Variants in USP34 observed in about 807,000 individuals in gnomAD.
USP34 encodes the protein ubiquitin carboxyl-terminal hydrolase 34.
A neutral mutation model predicts 460.3 loss-of-function variants in USP34; 70 were observed. The ratio of observed to expected loss-of-function variants is 0.15; its 90% CI spans 0.13 to 0.19. The LOEUF (loss-of-function observed/expected upper bound fraction) is 0.19, where lower values mean the gene tolerates loss of function less well. Ranked by LOEUF, USP34 falls within the 10% of genes least tolerant of loss-of-function variation. The pLI, the probability that USP34 is intolerant of heterozygous loss-of-function variation, is 1.00. For missense variants in USP34, 3,985 were observed against 4,236.2 expected (o/e 0.94, Z 1.65); for synonymous variants, 1,647 against 1,405.3 (o/e 1.17, Z -3.85).
chr2:61,354,257 G>A (rs1182127928), intron 10 of USP34, among the ~76,000 whole-genome samples: 2 of 152,074 alleles, frequency 1.3e-5, no homozygotes, highest in South Asian at 2.1e-4. Context: ...AAAACCACAA[G>A]TAACTTGTCA....
At chr2:61,321,351 G>C (rs766968299) in intron 21 of USP34, among the ~76,000 whole-genome samples, 1 of 151,436 alleles carries the variant, frequency 6.6e-6, no homozygotes, top group African/African-American at 2.4e-5. Context: ...CATGCCTGTA[G>C]TCCCAGCTGC....
chr2:61,390,256 T>A (rs1693301259), intron 5 of USP34, among the ~76,000 whole-genome samples: 1 of 152,220 alleles, frequency 6.6e-6, no homozygotes, highest in South Asian at 2.1e-4. Flanking sequence ...TAATAAAAGG[T>A]GTTATGTATG....
intron 10 of USP34, among the ~76,000 whole-genome samples, chr2:61,365,561 G>GA (rs963219547): frequency 4.6e-5 from 7 of 151,348 alleles, no homozygotes; most frequent in East Asian, 3.9e-4. Flanking sequence ...TTCTCTTCAG[G>GA]AAAAAAAACC....
intron 8 of USP34, 129 bp from the exon 9 acceptor site, chr2:61,370,708 T>G (rs1168469249): frequency 2.2e-5 from 16 of 716,886 alleles, no homozygotes; most frequent in Non-Finnish European, 1.2e-5. Context: ...ACAATCAGTT[T>G]TATAGAATAC....
intron 23 of USP34, among the ~76,000 whole-genome samples, chr2:61,316,383 G>A (rs983624391): frequency 2.0e-5 from 3 of 151,904 alleles, no homozygotes; most frequent in Non-Finnish European, 2.9e-5. Context: ...TCAGGAGTTC[G>A]AGACTAGTCT....
At chr2:61,309,983 A>C (rs1196238477) in intron 27 of USP34, among the ~76,000 whole-genome samples, 1 of 152,166 alleles carries the variant, frequency 6.6e-6, no homozygotes, top group East Asian at 1.9e-4. Flanking sequence ...TGGTTGCCAA[A>C]CTGTTTCACA....
intron 49 of USP34, among the ~76,000 whole-genome samples, chr2:61,246,965 G>A (rs1230892450): frequency 1.2e-4 from 18 of 151,998 alleles, no homozygotes; most frequent in Admixed American, 1.2e-3. Flanking sequence ...AAGAAAAGTG[G>A]TTTAAACATG....
intron 30 of USP34, among the ~76,000 whole-genome samples, chr2:61,296,379 AAATTT>A (rs772070921): frequency 5.9e-5 from 9 of 152,238 alleles, no homozygotes; most frequent in Non-Finnish European, 8.8e-5. Context: ...CACAGATATT[AAATTT>A]ATTTGCCTCA....
chr2:61,215,603 C>T (rs897935668), intron 67 of USP34, among the ~76,000 whole-genome samples: 5 of 152,130 alleles, frequency 3.3e-5, no homozygotes, highest in Non-Finnish European at 7.4e-5. Flanking sequence ...CACAATGACC[C>T]TGGATGGAGG....
At chr2:61,261,684 A>G (rs1688881776) in intron 43 of USP34, among the ~76,000 whole-genome samples, 1 of 152,234 alleles carries the variant, frequency 6.6e-6, no homozygotes, top group Non-Finnish European at 1.5e-5. Flanking sequence ...CAATTAGAAT[A>G]TATGTAGCTT....
At chr2:61,450,085 A>C (rs1695227116) in intron 1 of USP34, among the ~76,000 whole-genome samples, 2 of 115,494 alleles carry the variant, frequency 1.7e-5, no homozygotes, top group South Asian at 5.8e-4. Flanking sequence ...AAATAAAAAT[A>C]CAAAAAGTCT....
chr2:61,270,459 G>C (rs1447363373), intron 41 of USP34, among the ~76,000 whole-genome samples: 1 of 152,128 alleles, frequency 6.6e-6, no homozygotes, highest in Non-Finnish European at 1.5e-5. Flanking sequence ...TTATTTTTGA[G>C]AGTGTCTTGC....
rs1008248589 is a variant in USP34 at position 61,348,113 on chromosome 2, G to A, written c.2042C>T (p.Ser681Leu). 12 of 1,614,070 alleles carry A rather than the reference G, an allele frequency of 7.4e-6. No homozygotes were observed. The highest frequency in any genetic ancestry group is 1.7e-5 in the Admixed American group (1 of 60,006). Residue 681 changes from serine to leucine, a missense_variant, in exon 15 of 80, where the codon TCA becomes TTA. By Grantham distance (145) the Ser-to-Leu change is moderately radical (BLOSUM62 -2). Around this residue, in one of 14 missense-constraint regions of USP34, gnomAD observed 716 missense variants for 626.2 expected, o/e 1.14. Coordinates refer to ENST00000398571, the MANE Select transcript of USP34 (RefSeq NM_014709.4). ...TGKDLVFNTESLPSVDNRMRM... is the reference protein window; with the variant it reads ...TGKDLVFNTELLPSVDNRMRM... ...CATTCGATTATCTACTGATGGCAAT[G>A]ATTCAGTGTTAAAAACCAGGTCCTT...
chr2:61,323,477 T>C (rs1472164627), intron 21 of USP34, among the ~76,000 whole-genome samples: 2 of 144,098 alleles, frequency 1.4e-5, no homozygotes, highest in African/African-American at 2.6e-5. Flanking sequence ...ATTGTGCCAC[T>C]GCACTCCAGC....
intron 66 of USP34, among the ~76,000 whole-genome samples, chr2:61,221,100 T>G (rs1006137652): frequency 6.6e-6 from 1 of 152,212 alleles, no homozygotes; most frequent in African/African-American, 2.4e-5. Context: ...GGAGAAGATT[T>G]GCTGTCCCCT....
At chr2:61,457,512 G>A (rs368420748) in intron 1 of USP34, among the ~76,000 whole-genome samples, 1 of 152,186 alleles carries the variant, frequency 6.6e-6, no homozygotes, top group Non-Finnish European at 1.5e-5. Flanking sequence ...ATCCTACCTA[G>A]TTTAAAAAGA....
At chr2:61,261,600 G>C (rs1236833090) in intron 43 of USP34, among the ~76,000 whole-genome samples, 1 of 152,136 alleles carries the variant, frequency 6.6e-6, no homozygotes, top group East Asian at 1.9e-4. Context: ...TAATGTGAAT[G>C]TATTTAATCC....
chr2:61,221,421 T>G lies in USP34; in HGVS notation c.7899+81A>C, dbSNP rs149349817. On this transcript the variant is annotated intron_variant, in intron 66 of 79. Coordinates refer to ENST00000398571, the MANE Select transcript of USP34 (RefSeq NM_014709.4). The stretch of plus-strand genomic sequence containing the variant: ...CCATCTTGGGGTAATAAGAAACTGG[T>G]ACTTAAAATGGTAGTGACTATATTA... 1.9e-3 allele frequency: 2,358 copies of G among 1,255,506 alleles called. 3 individuals carry two copies. The highest frequency in any genetic ancestry group is 2.4e-3 in the Non-Finnish European group (2,180 of 911,954). 77.8% of individuals were successfully genotyped at this position (1,255,506 alleles called of 1,614,324 possible).
rs570477678 is a variant in USP34 at position 61,298,668 on chromosome 2, C to G, written c.4129-1743G>C. Among the ~76,000 whole-genome samples the G allele has an allele frequency of 2.0e-5, 3 of 149,960 alleles. No individual in the cohort carries two copies. The East Asian group carries it at 6.0e-4, about 30-fold the overall frequency. ...AACATAACAGCCCAGGATCTCTTAT[C>G]ACTGGTCCTGGTTTTCTCTACTACA... On this transcript the variant is annotated intron_variant, in intron 29 of 79. Transcript: ENST00000398571.
Sources: allele counts gnomAD v4.1 joint callset (sites outside exome capture counted in the v4.1 genomes callset), GRCh38; gene constraint gnomAD v4.1.1; regional missense constraint gnomAD v4.1.1; transcripts MANE v1.5; gene names NCBI Gene and HGNC (gene_info 2026-07-23, HGNC 2026-07-21).